The following SAMD13 variants were observed in gnomAD, a reference collection of about 807,000 sequenced individuals.
SAMD13 encodes the protein sterile alpha motif domain-containing protein 13.
Under a neutral mutation model 12.4 loss-of-function variants are expected in SAMD13, and 9 were observed. The ratio of observed to expected loss-of-function variants is 0.72; its 90% CI spans 0.44 to 1.26. The LOEUF (loss-of-function observed/expected upper bound fraction) is 1.26. Among genes scored for constraint, SAMD13 ranks in the 50% most tolerant of loss-of-function variants. The pLI is 0.00. For synonymous variants in SAMD13, 46 were observed against 45.4 expected, an observed-to-expected ratio of 1.01 and a Z score of -0.05; for missense variants, 84 against 119.6, an observed-to-expected ratio of 0.70 and a Z score of 1.39.
chr1:84,299,587 C>T, upstream of SAMD13: 1 of 1,516,474 alleles, frequency 6.6e-7, no homozygotes, highest in Non-Finnish European at 8.9e-7. Context: ...CTACATACTA[C>T]ACACACAACT....
At chr1:84,306,611 C>A (rs1001474849) in intron 2 of SAMD13, among the ~76,000 whole-genome samples, 2 of 115,806 alleles carry the variant, frequency 1.7e-5, no homozygotes, top group South Asian at 5.3e-4. Flanking sequence ...CTAGTCTGGC[C>A]AACATGTGAA....
intron 2 of SAMD13, among the ~76,000 whole-genome samples, chr1:84,309,416 ATGAC>A (rs1453632286): frequency 5.9e-5 from 9 of 152,168 alleles, no homozygotes; most frequent in Non-Finnish European, 1.2e-4. Flanking sequence ...GTTGACCTAA[ATGAC>A]TGTGATAAAT....
chr1:84,328,799 C>T (rs1679114228), intron 3 of SAMD13, among the ~76,000 whole-genome samples: 1 of 152,142 alleles, frequency 6.6e-6, no homozygotes, highest in African/African-American at 2.4e-5. Flanking sequence ...CATGCAGGTA[C>T]ATGCAAGGTC....
chr1:84,340,662 A>G (rs1039505447), intron 3 of SAMD13, among the ~76,000 whole-genome samples: 3 of 152,224 alleles, frequency 2.0e-5, no homozygotes, highest in African/African-American at 7.2e-5. Context: ...CAAGTATTTT[A>G]TTTTAAAAAA....
chr1:84,299,525 CCACA>C, upstream of SAMD13: 1 of 1,225,742 alleles, frequency 8.2e-7, no homozygotes, highest in Non-Finnish European at 1.1e-6. Flanking sequence ...CGTACCACAC[CCACA>C]CACAAAGTAC....
chr1:84,331,447 C>T (rs1045326043), intron 3 of SAMD13, among the ~76,000 whole-genome samples: 6 of 148,702 alleles, frequency 4.0e-5, no homozygotes, highest in Non-Finnish European at 7.4e-5. Flanking sequence ...TAAAACCTCA[C>T]AAATTGAGAA....
chr1:84,349,578 A>G, intron 3 of SAMD13, 53 bp from the exon 4 acceptor site: 5 of 1,570,782 alleles, frequency 3.2e-6, no homozygotes, highest in Non-Finnish European at 4.3e-6. Context: ...TGTCTTCATT[A>G]TCCTTGAGCT....
At chr1:84,324,197 C>T (rs909342981) in intron 2 of SAMD13, among the ~76,000 whole-genome samples, 9 of 152,168 alleles carry the variant, frequency 5.9e-5, no homozygotes, top group African/African-American at 2.2e-4. Flanking sequence ...GGCTCCTCTC[C>T]AGCATCCTCT....
In SAMD13 at chr1:84,346,543, G is replaced by A. The variant is rs113954416; in HGVS notation, c.166-3088G>A. On this transcript the variant is annotated intron_variant, in intron 3 of 3. Coordinates refer to ENST00000394834, the MANE Select transcript of SAMD13 (RefSeq NM_001134663.2). Reference sequence around the variant, plus strand: ...ACATGCAAAATCTTGGTTTTGTTTTGTTTAGCTGGAATTGGTCACACTCCA... The same window carrying A: ...ACATGCAAAATCTTGGTTTTGTTTTATTTAGCTGGAATTGGTCACACTCCA... Among the ~76,000 whole-genome samples the A allele has an allele frequency of 3.4e-3, 520 of 152,196 alleles. 1 individual carries two copies. The highest frequency in any genetic ancestry group is 6.8e-3 in the Middle Eastern group (2 of 294).
At position 84,350,694 on chromosome 1, in the gene SAMD13, G is replaced by A. The variant is rs1250237159; in HGVS notation, c.*920G>A. 6.6e-6 allele frequency: 1 copy of A among 152,480 alleles called. No individual in the cohort carries two copies. Among genetic ancestry groups the A allele is most frequent in the Non-Finnish European group, 1.5e-5 (1 of 68,014 alleles). The allele number at this position is 152,480 out of a possible 1,614,324, so 9.4% of individuals were successfully genotyped here. ...TTGTTTTTAAGAGCTTGGAAAAAGT[G>A]GGCTTGCTACATCTCTGTTCAAAGA... On this transcript the variant is annotated 3_prime_UTR_variant, in exon 4 of 4. Coordinates refer to ENST00000394834, the MANE Select transcript of SAMD13 (RefSeq NM_001134663.2).
At chr1:84,343,176 A>G (rs1044186264) in intron 3 of SAMD13, among the ~76,000 whole-genome samples, 12 of 152,246 alleles carry the variant, frequency 7.9e-5, no homozygotes, top group African/African-American at 1.4e-4. Flanking sequence ...ACCAGTCAGA[A>G]TGGCAATTAT....
In SAMD13 at chr1:84,310,371, A is replaced by C. The variant is rs533843159; in HGVS notation, c.53+7084A>C. Among the ~76,000 whole-genome samples the C allele has an allele frequency of 4.9e-3, 741 of 152,244 alleles. 6 individuals are homozygous for C. Among genetic ancestry groups the C allele is most frequent in the Non-Finnish European group, 5.9e-3 (399 of 68,030 alleles). ...AACAATAGCTGATGAGAAAAAAAAA[A>C]ATCTCATAATGTTTTAAGAAACTTC... On this transcript the variant is annotated intron_variant, in intron 2 of 3. Transcript: ENST00000394834.
intron 3 of SAMD13, among the ~76,000 whole-genome samples, chr1:84,330,319 G>T (rs980068202): frequency 1.3e-5 from 2 of 152,166 alleles, no homozygotes; most frequent in East Asian, 1.9e-4. Context: ...GCACAACACG[G>T]CACAAAACCA....
At chr1:84,336,627 G>A (rs908647732) in intron 3 of SAMD13, among the ~76,000 whole-genome samples, 2 of 152,150 alleles carry the variant, frequency 1.3e-5, no homozygotes, top group Non-Finnish European at 2.9e-5. Context: ...GGGAATTCAA[G>A]ATGAGATTTG....
chr1:84,349,916 A>G lies in SAMD13; in HGVS notation c.*142A>G, dbSNP rs1679612492. On this transcript the variant is annotated 3_prime_UTR_variant, in exon 4 of 4. Transcript: ENST00000394834. Reference sequence around the variant, plus strand: ...AATGAAACGTTATCCTATTGGATAGACTAGGCAATTCATCAGCTCACCTGA... The same window carrying G: ...AATGAAACGTTATCCTATTGGATAGGCTAGGCAATTCATCAGCTCACCTGA... 2 of 1,366,928 alleles carry G rather than the reference A, an allele frequency of 1.5e-6. No homozygotes were observed. The highest frequency in any genetic ancestry group is 2.9e-5 in the African/African-American group (2 of 68,922). The allele number at this position is 1,366,928 out of a possible 1,614,324, so 84.7% of individuals were successfully genotyped here. A position where few individuals can be genotyped will look rare whatever the true frequency, so the allele number is the denominator to read the frequency against.
At chr1:84,344,377 T>C (rs1679489163) in intron 3 of SAMD13, among the ~76,000 whole-genome samples, 2 of 152,028 alleles carry the variant, frequency 1.3e-5, no homozygotes, top group South Asian at 2.1e-4. Flanking sequence ...TTCCCACCAA[T>C]AGGAAGGCAA....
intron 3 of SAMD13, among the ~76,000 whole-genome samples, chr1:84,342,076 T>A (rs928485625): frequency 3.3e-5 from 5 of 152,134 alleles, no homozygotes; most frequent in African/African-American, 1.2e-4. Flanking sequence ...GGAAAAAGAA[T>A]AAGAAGACTG....
At chr1:84,315,249 C>A (rs1325413756) in intron 2 of SAMD13, among the ~76,000 whole-genome samples, 2 of 152,042 alleles carry the variant, frequency 1.3e-5, no homozygotes, top group Non-Finnish European at 2.9e-5. Context: ...TCCCCCTTTC[C>A]CCCTTCCTTT....
chr1:84,301,246 C>A (rs1678449489), upstream of SAMD13, among the ~76,000 whole-genome samples: 1 of 152,160 alleles, frequency 6.6e-6, no homozygotes, highest in Admixed American at 6.5e-5. Context: ...GAACTTTGTC[C>A]ATGAATCTCT....
Sources: allele counts gnomAD v4.1 joint callset (sites outside exome capture counted in the v4.1 genomes callset), GRCh38; gene constraint gnomAD v4.1.1; transcripts MANE v1.5; gene names NCBI Gene and HGNC (gene_info 2026-07-23, HGNC 2026-07-21).